The following TRDN variants were observed in gnomAD, a reference collection of about 807,000 sequenced individuals.
TRDN encodes triadin in skeletal muscle.
Under a neutral mutation model 149.7 loss-of-function variants are expected in TRDN, and 161 were observed. The ratio of observed to expected loss-of-function variants is 1.08; its 90% confidence interval spans 0.95 to 1.23. The LOEUF is 1.23. Among genes scored for constraint, TRDN ranks in the 50% most tolerant of loss-of-function variants. The pLI is 0.00. For missense variants in TRDN, 896 were observed against 823.5 expected, an observed-to-expected ratio of 1.09 and a Z score of -1.08; for synonymous variants, 294 against 250.5, an observed-to-expected ratio of 1.17 and a Z score of -1.64.
Position 123,450,740 on chromosome 6 carries a change from A to G in TRDN, c.932-11737T>C, listed in dbSNP as rs544682966. Among the ~76,000 whole-genome samples the G allele has an allele frequency of 7.0e-4, 107 of 152,282 alleles. 2 individuals are homozygous for G. The highest frequency in any genetic ancestry group is 2.4e-3 in the African/African-American group (101 of 41,566). On this transcript the variant is annotated intron_variant, in intron 10 of 40. Coordinates refer to ENST00000334268, the MANE Select transcript of TRDN (RefSeq NM_006073.4). ...ACAATGGATTTAAACTATATCTTGG[A>G]ACAACTGGACTTAACAGATATATAC...
chr6:123,298,822 A>G (rs536268831), intron 24 of TRDN, among the ~76,000 whole-genome samples: 10 of 152,120 alleles, frequency 6.6e-5, no homozygotes, highest in African/African-American at 1.9e-4. Flanking sequence ...AGGAAATACC[A>G]CTTTTTCTCT....
chr6:123,533,380 A>G (rs1034163343), intron 4 of TRDN, among the ~76,000 whole-genome samples: 1 of 152,124 alleles, frequency 6.6e-6, no homozygotes, highest in Non-Finnish European at 1.5e-5. Flanking sequence ...AGACTCTTCC[A>G]TAGAATCCAG....
At chr6:123,219,683 T>A (rs1462702213) in intron 40 of TRDN, among the ~76,000 whole-genome samples, 1 of 151,842 alleles carries the variant, frequency 6.6e-6, no homozygotes, top group African/African-American at 2.4e-5. Flanking sequence ...GACAATAGTT[T>A]GAAGAATCTT....
intron 9 of TRDN, chr6:123,470,640 T>C (rs560210402): frequency 1.3e-5 from 2 of 152,320 alleles, no homozygotes; most frequent in East Asian, 3.9e-4. Flanking sequence ...GCAAATCACA[T>C]GAACACACGT....
chr6:123,424,651 T>C (rs1323059876), intron 12 of TRDN, among the ~76,000 whole-genome samples: 2 of 152,152 alleles, frequency 1.3e-5, no homozygotes, highest in Non-Finnish European at 2.9e-5. Flanking sequence ...TGGAAGAAAT[T>C]TCGTCAAATA....
rs1562217482 is a variant in TRDN, at chr6:123,223,675, TCCTTCCTTCCTTC to T, written c.2014+405_2014+417del. Among the ~76,000 whole-genome samples, 675 of 103,336 alleles carry T rather than the reference TCCTTCCTTCCTTC, an allele frequency of 6.5e-3. 4 individuals are homozygous for T. The highest frequency in any genetic ancestry group is 0.035 in the African/African-American group (635 of 18,098). 67.8% of individuals were successfully genotyped at this position (103,336 alleles called of 152,430 possible). A position where few individuals can be genotyped will look rare whatever the true frequency, so the allele number is the denominator to read the frequency against. On this transcript the variant is annotated intron_variant, in intron 39 of 40. Coordinates refer to ENST00000334268, the MANE Select transcript of TRDN (RefSeq NM_006073.4). ...GGGTTGAGTCCAGCCTTCCATTTCT[TCCTTCCTTCCTTC>T]CTTCCTTCCTTCCTTCCTTCCTTCC...
chr6:123,381,300 A>C, intron 16 of TRDN, 70 bp downstream of exon 16: 1 of 1,428,354 alleles, frequency 7.0e-7, no homozygotes, highest in Non-Finnish European at 9.6e-7. Context: ...TTGCAGGTCT[A>C]AATACAGCAG....
At chr6:123,427,536 A>C (rs997325416) in intron 12 of TRDN, among the ~76,000 whole-genome samples, 7 of 152,122 alleles carry the variant, frequency 4.6e-5, no homozygotes, top group African/African-American at 1.7e-4. Flanking sequence ...AAAACTTCAA[A>C]TGGCAGTGTT....
chr6:123,502,740 A>C, intron 8 of TRDN: 1 of 984,558 alleles, frequency 1.0e-6, no homozygotes, highest in Non-Finnish European at 1.2e-6. Context: ...CAATTCTTTG[A>C]TACAGTCCTT....
chr6:123,243,301 C>T (rs1776057303), intron 38 of TRDN, among the ~76,000 whole-genome samples: 2 of 152,140 alleles, frequency 1.3e-5, no homozygotes, highest in African/African-American at 4.8e-5. Flanking sequence ...AGGCCATTTT[C>T]ACACAGCCAA....
intron 8 of TRDN, among the ~76,000 whole-genome samples, chr6:123,499,719 A>AAAAAAAAAAAAATATATAT: frequency 6.3e-5 from 3 of 47,676 alleles, no homozygotes; most frequent in African/African-American, 1.4e-4. Context: ...AAAAAAAAAA[A>AAAAAAAAAAAAATATATAT]ATATATATAT....
chr6:123,255,723 T>TA (rs1159600456), intron 36 of TRDN, 144 bp downstream of exon 36: 28 of 388,708 alleles, frequency 7.2e-5, no homozygotes, highest in Non-Finnish European at 1.0e-4. Context: ...GTTTTTTACT[T>TA]ACCATATTTC....
intron 24 of TRDN, among the ~76,000 whole-genome samples, chr6:123,307,919 G>A (rs528788047): frequency 3.3e-5 from 5 of 152,016 alleles, no homozygotes; most frequent in Middle Eastern, 3.4e-3. Flanking sequence ...TGGGTATATC[G>A]TGTGATACTG....
At chr6:123,239,739 T>C (rs1775917780) in intron 38 of TRDN, among the ~76,000 whole-genome samples, 1 of 152,048 alleles carries the variant, frequency 6.6e-6, no homozygotes, top group Non-Finnish European at 1.5e-5. Flanking sequence ...TGTGGGATGC[T>C]GCTGAAATAG....
At chr6:123,438,219 G>T (rs1237513173) in intron 11 of TRDN, 97 bp from the exon 12 acceptor site, 40 of 844,250 alleles carry the variant, frequency 4.7e-5, no homozygotes, top group East Asian at 2.3e-4. Context: ...AATTTATCTT[G>T]TATAGAGAAA....
Position 123,298,835 on chromosome 6 carries a change from A to G in TRDN, c.1510+17622T>C, listed in dbSNP as rs556090937. On this transcript the variant is annotated intron_variant, in intron 24 of 40. Transcript: ENST00000334268. The stretch of plus-strand genomic sequence containing the variant: ...AAAGGAAATACCACTTTTTCTCTCC[A>G]CATAGGAGATTTTTCAAAATTATAT... Among the ~76,000 whole-genome samples, 5 of 152,168 alleles carry G rather than the reference A, an allele frequency of 3.3e-5. No individual in the cohort carries two copies. The South Asian group carries it at 8.3e-4, about 25-fold the overall frequency.
intron 10 of TRDN, among the ~76,000 whole-genome samples, chr6:123,440,581 G>T (rs907493666): frequency 1.3e-5 from 2 of 152,088 alleles, no homozygotes; most frequent in Non-Finnish European, 2.9e-5. Flanking sequence ...CAGCAAAGGG[G>T]TTAATTAAAA....
At chr6:123,381,291 T>G (rs892566113) in intron 16 of TRDN, 79 bp downstream of exon 16, 11 of 1,316,570 alleles carry the variant, frequency 8.4e-6, no homozygotes, top group Non-Finnish European at 1.2e-5. Flanking sequence ...GATTCAAAAT[T>G]GCAGGTCTAA....
intron 38 of TRDN, among the ~76,000 whole-genome samples, chr6:123,236,811 C>A (rs571353135): frequency 1.3e-5 from 2 of 151,984 alleles, no homozygotes. Context: ...TATATCTTTG[C>A]AAATCCCATA....
Sources: gnomAD v4.1 joint callset for allele counts (sites outside exome capture counted in the v4.1 genomes callset) on GRCh38, gnomAD v4.1.1 for gene constraint, MANE v1.5 for transcripts, NCBI Gene and HGNC (gene_info 2026-07-23, HGNC 2026-07-21) for gene names.